The following IL22RA2 variants were observed in gnomAD, a reference collection of about 807,000 sequenced individuals.
The protein encoded by IL22RA2 is interleukin-22 receptor subunit alpha-2.
In IL22RA2, 39 loss-of-function variants were observed where a neutral mutation model predicts 30.7. That is an observed-to-expected ratio of 1.27 (90% CI 0.98 to 1.66). IL22RA2 has a LOEUF of 1.66. Ranked by LOEUF, IL22RA2 falls within the 40% of genes most tolerant of loss-of-function variation. The pLI is 0.00. For missense variants in IL22RA2, 315 were observed against 312.7 expected, an observed-to-expected ratio of 1.01 and a Z score of -0.05; for synonymous variants, 103 against 105.0, an observed-to-expected ratio of 0.98 and a Z score of 0.11.
At chr6:137,152,462 C>CA (rs1233808488) in intron 5 of IL22RA2, among the ~76,000 whole-genome samples, 26 of 152,090 alleles carry the variant, frequency 1.7e-4, no homozygotes, top group African/African-American at 6.3e-4. Flanking sequence ...AGAAGCCAGT[C>CA]AAAAAAATCA....
rs190146740 is a variant in IL22RA2, at chr6:137,154,344, G to T, written c.472+597C>A. 7.2e-5 allele frequency among the ~76,000 whole-genome samples: 11 copies of T among 152,300 alleles called. No individual in the cohort carries two copies. In the East Asian group the frequency reaches 2.1e-3, roughly 29 times the overall value. ...AATACTTTTTTAGGGGCTGGGCATG[G>T]TGGCTCACACCCATAATCCCAGCAC... On this transcript the variant is annotated intron_variant, in intron 5 of 6. Transcript: ENST00000296980.
chr6:137,161,461 C>T (rs980492690), intron 2 of IL22RA2, among the ~76,000 whole-genome samples: 1 of 152,130 alleles, frequency 6.6e-6, no homozygotes, highest in Non-Finnish European at 1.5e-5. Context: ...TGTATGAAGT[C>T]TCTGCACCCT....
intron 1 of IL22RA2, among the ~76,000 whole-genome samples, chr6:137,164,732 C>T (rs28741385): frequency 0.035 from 5,289 of 152,278 alleles, 110 homozygotes; most frequent in Middle Eastern, 0.086. Context: ...TTAGGTCGGT[C>T]CGTGCCCAAG....
chr6:137,144,215 C>G lies in IL22RA2; in HGVS notation c.*1409G>C, dbSNP rs561046429. 3.3e-5 allele frequency: 5 copies of G among 152,164 alleles called. No individual in the cohort carries two copies. The highest frequency in any genetic ancestry group is 3.3e-4 in the Admixed American group (5 of 15,288). 9.4% of individuals were successfully genotyped at this position (152,164 alleles called of 1,614,324 possible). ...TCAAAGTAAATTTTTTTTTCAGTCT[C>G]TGCGTCTATGCTCAAATCAATGTTT... On this transcript the variant is annotated 3_prime_UTR_variant, in exon 7 of 7. Transcript: ENST00000296980.
At chr6:137,149,840 C>T (rs1037587450) in intron 5 of IL22RA2, among the ~76,000 whole-genome samples, 6 of 152,164 alleles carry the variant, frequency 3.9e-5, no homozygotes, top group Non-Finnish European at 7.3e-5. Context: ...ATCTTTCAGT[C>T]CCTTGAGTTT....
chr6:137,163,575 C>G (rs527613155), intron 1 of IL22RA2, among the ~76,000 whole-genome samples: 1 of 152,312 alleles, frequency 6.6e-6, no homozygotes, highest in East Asian at 1.9e-4. Flanking sequence ...GTCACAAGAA[C>G]AGTGCATAGA....
rs10680789 is a variant in IL22RA2 at position 137,147,373 on chromosome 6, T to TAATAAATA, written c.642+341_642+348dup. ...ACACCTGGTCTAAAAATAAAATACA[T>TAATAAATA]AATAAATAAATAAATAAATAAATAA... On this transcript the variant is annotated intron_variant, in intron 6 of 6. Coordinates refer to ENST00000296980, the MANE Select transcript of IL22RA2 (RefSeq NM_052962.3). Among the ~76,000 whole-genome samples the TAATAAATA allele has an allele frequency of 5.6e-3, 815 of 145,866 alleles. 7 individuals carry two copies. The highest frequency in any genetic ancestry group is 0.02 in the South Asian group (89 of 4,526).
rs1778413024 is a variant in IL22RA2 at position 137,156,653 on chromosome 6, T to C, written c.293+106A>G. ...GTTGAAAATCCCTTAGAGACAGGAA[T>C]GGATTCAGGTATTCTGGGGTCTGAA... On this transcript the variant is annotated intron_variant, in intron 4 of 6. Transcript: ENST00000296980. The C allele has an allele frequency of 5.6e-6, 8 of 1,435,112 alleles. No homozygotes were observed. In the South Asian group the frequency reaches 9.0e-5, roughly 16 times the overall value. 88.9% of individuals were successfully genotyped at this position (1,435,112 alleles called of 1,614,324 possible).
chr6:137,158,942 G>T (rs143181355), intron 2 of IL22RA2, among the ~76,000 whole-genome samples: 2 of 152,032 alleles, frequency 1.3e-5, no homozygotes, highest in African/African-American at 2.4e-5. Context: ...CCCTCCTTTC[G>T]CAGGTTCTTG....
intron 1 of IL22RA2, among the ~76,000 whole-genome samples, chr6:137,172,444 T>C (rs963633024): frequency 6.6e-6 from 1 of 152,228 alleles, no homozygotes; most frequent in African/African-American, 2.4e-5. Flanking sequence ...AAGCCAACAC[T>C]GTCAACAAGG....
At position 137,147,720 on chromosome 6, in the gene IL22RA2, ACCT is replaced by A; in HGVS notation, c.641_642+1del. The A allele has an allele frequency of 6.5e-7, 1 of 1,528,728 alleles. No homozygotes were observed. Among genetic ancestry groups the A allele is most frequent in the South Asian group, 1.2e-5 (1 of 84,240 alleles). The allele number at this position is 1,528,728 out of a possible 1,614,324, so 94.7% of individuals were successfully genotyped here. A position where few individuals can be genotyped will look rare whatever the true frequency, so the allele number is the denominator to read the frequency against. Reference sequence around the variant, plus strand: ...TAAATATATCTATTCATCTGAACTTACCTTTTCTAGTGAATTGTTAATTATAAA... The same window carrying A: ...TAAATATATCTATTCATCTGAACTTATTTCTAGTGAATTGTTAATTATAAA... On this transcript the variant is annotated splice_donor_variant and coding_sequence_variant, in exon 6 of 7. Transcript: ENST00000296980. LOFTEE classifies it high-confidence loss of function.
At chr6:137,153,750 C>G (rs961079179) in intron 5 of IL22RA2, among the ~76,000 whole-genome samples, 5 of 152,042 alleles carry the variant, frequency 3.3e-5, no homozygotes, top group African/African-American at 1.2e-4. Flanking sequence ...TTCTTGGTAT[C>G]CTCTGGTGTG....
intron 5 of IL22RA2, among the ~76,000 whole-genome samples, chr6:137,151,175 C>G (rs1778282499): frequency 6.6e-6 from 1 of 152,090 alleles, no homozygotes; most frequent in South Asian, 2.1e-4. Context: ...AAGCTTACTA[C>G]AAAGCAACAA....
At chr6:137,163,346 A>G (rs1316207696) in intron 1 of IL22RA2, among the ~76,000 whole-genome samples, 1 of 152,088 alleles carries the variant, frequency 6.6e-6, no homozygotes, top group Non-Finnish European at 1.5e-5. Flanking sequence ...CGGTCTCTCC[A>G]ATCTTTGGTT....
At position 137,147,826 on chromosome 6, in the gene IL22RA2, C is replaced by G. The variant is rs778089375; in HGVS notation, c.538G>C (p.Ala180Pro). Residue 180 changes from alanine to proline, a missense_variant, in exon 6 of 7, where the codon GCT becomes CCT. Physicochemically the swap from Ala to Pro is conservative, Grantham distance 27. Transcript: ENST00000296980. ...VNGSLLVILH[A>P]PNLPYRYQKE... ...TGGTATCTATATGGTAAATTTGGAG[C>G]ATGGAGAATTACCAACAAAGAGCCA... 6.2e-7 allele frequency: 1 copy of G among 1,613,378 alleles called. No individual in the cohort carries two copies. Among genetic ancestry groups the G allele is most frequent in the East Asian group, 2.2e-5 (1 of 44,848 alleles).
chr6:137,145,908 T>A (rs1266956364), intron 6 of IL22RA2, 135 bp from the exon 7 acceptor site: 2 of 912,560 alleles, frequency 2.2e-6, no homozygotes, highest in Non-Finnish European at 3.4e-6. Context: ...GACACATCCT[T>A]CTTTTCTAGA....
intron 1 of IL22RA2, among the ~76,000 whole-genome samples, chr6:137,165,648 A>T (rs1355567760): frequency 6.6e-6 from 1 of 152,164 alleles, no homozygotes. Context: ...AATGTGTGAG[A>T]TGCAAGCAGA....
At chr6:137,156,387 A>G (rs1482111247) in intron 4 of IL22RA2, among the ~76,000 whole-genome samples, 1 of 152,242 alleles carries the variant, frequency 6.6e-6, no homozygotes, top group East Asian at 1.9e-4. Context: ...ACATGGTGAC[A>G]GCAGTTTCAT....
rs751097839 is a variant in IL22RA2, at chr6:137,145,581, GA to G, written c.*42del. The G allele has an allele frequency of 3.8e-6, 6 of 1,561,798 alleles. No homozygotes were observed. In the South Asian group the frequency reaches 7.2e-5, roughly 19 times the overall value. On this transcript the variant is annotated 3_prime_UTR_variant, in exon 7 of 7. Transcript: ENST00000296980. ...AAACACGAGTCATCCTGTTCTCAGGGAGCTTTAGAATTTCCACATTGCTGAA... is the reference window on the plus strand; with the variant it reads ...AAACACGAGTCATCCTGTTCTCAGGGGCTTTAGAATTTCCACATTGCTGAA...
Sources: allele counts gnomAD v4.1 joint callset (sites outside exome capture counted in the v4.1 genomes callset), GRCh38; gene constraint gnomAD v4.1.1; transcripts MANE v1.5; gene names NCBI Gene and HGNC (gene_info 2026-07-23, HGNC 2026-07-21).